The following TMIGD1 variants were observed in gnomAD, a reference collection of about 807,000 sequenced individuals.
TMIGD1 encodes the protein transmembrane and immunoglobulin domain containing 1.
TMIGD1 carries 29 observed loss-of-function variants against 27.5 expected under a neutral mutation model. The ratio of observed to expected loss-of-function variants is 1.05; its 90% CI spans 0.78 to 1.44. The LOEUF is 1.44. Among genes scored for constraint, TMIGD1 ranks in the 40% most tolerant of loss-of-function variants. TMIGD1 has a pLI of 0.00. For synonymous variants in TMIGD1, 109 were observed against 110.3 expected (o/e 0.99, Z 0.07); for missense variants, 334 against 310.6 (o/e 1.08, Z -0.57).
At chr17:30,330,304 A>T (rs1336755662) in intron 2 of TMIGD1, among the ~76,000 whole-genome samples, 1 of 152,050 alleles carries the variant, frequency 6.6e-6, no homozygotes, top group Non-Finnish European at 1.5e-5. Flanking sequence ...GACAGGAAAA[A>T]ACCCATATAT....
At position 30,324,873 on chromosome 17, in the gene TMIGD1, AACTGTAGGTTCCGTTG is replaced by A; in HGVS notation, c.567_582del (p.Asn190ValfsTer7). ...GTTTTCAGAGATGACTTTGCAATAC[AACTGTAGGTTCCGTTG>A]TCAGGCTTCTCGACTTTGGTGATTG... On this transcript the variant is annotated frameshift_variant, in exon 4 of 7. Coordinates refer to ENST00000328886, the MANE Select transcript of TMIGD1 (RefSeq NM_206832.3). LOFTEE classifies it high-confidence loss of function. 6.2e-7 allele frequency: 1 copy of A among 1,614,232 alleles called. No individual in the cohort carries two copies. The highest frequency in any genetic ancestry group is 1.1e-5 in the South Asian group (1 of 91,086).
chr17:30,330,487 T>TACC (rs1304294761), intron 2 of TMIGD1, among the ~76,000 whole-genome samples: 1 of 152,224 alleles, frequency 6.6e-6, no homozygotes, highest in Non-Finnish European at 1.5e-5. Flanking sequence ...TAATAATTAC[T>TACC]ACAAATGTAT....
At chr17:30,328,739 C>A (rs1397854012) in intron 3 of TMIGD1, among the ~76,000 whole-genome samples, 1 of 151,836 alleles carries the variant, frequency 6.6e-6, no homozygotes, top group Non-Finnish European at 1.5e-5. Flanking sequence ...GCGGTTCACT[C>A]GAGGTTAGGA....
intron 4 of TMIGD1, among the ~76,000 whole-genome samples, chr17:30,319,261 A>AAAAAAAAAAAAAAATATATATATATAT: frequency 3.3e-4 from 23 of 68,998 alleles, no homozygotes; most frequent in African/African-American, 1.1e-3. Flanking sequence ...AAAAAAAAAA[A>AAAAAAAAAAAAAAATATATATATATAT]ATATATATAT....
intron 4 of TMIGD1, among the ~76,000 whole-genome samples, chr17:30,324,265 G>A (rs1036898616): frequency 6.6e-6 from 1 of 152,144 alleles, no homozygotes; most frequent in Non-Finnish European, 1.5e-5. Context: ...ACCCCACAGA[G>A]CATCATTTGT....
chr17:30,326,601 G>A (rs1909783451), intron 3 of TMIGD1, among the ~76,000 whole-genome samples: 2 of 152,088 alleles, frequency 1.3e-5, no homozygotes, highest in African/African-American at 4.8e-5. Context: ...GAATGCTATA[G>A]TATAATGTAT....
rs199651676 is a variant in TMIGD1 at position 30,316,870 on chromosome 17, C to T, written c.786-180G>A. ...AGGCAGTATGGGGATGAATGTGGTT[C>T]CTGGCCTTGTTGTAAAGCAGTATGG... On this transcript the variant is annotated intron_variant, in intron 6 of 6. Transcript: ENST00000328886. 6.9e-4 allele frequency: 463 copies of T among 667,888 alleles called. 2 individuals carry two copies. The highest frequency in any genetic ancestry group is 4.9e-4 in the Middle Eastern group (2 of 4,098). 41.4% of individuals were successfully genotyped at this position (667,888 alleles called of 1,614,324 possible).
chr17:30,324,174 T>C (rs893827755), intron 4 of TMIGD1, among the ~76,000 whole-genome samples: 1 of 152,162 alleles, frequency 6.6e-6, no homozygotes, highest in African/African-American at 2.4e-5. Context: ...AGACCATGTG[T>C]GAATGAGCAT....
At position 30,316,417 on chromosome 17, in the gene TMIGD1, T is replaced by C. The variant is rs1434513618; in HGVS notation, c.*270A>G. 2 of 372,372 alleles carry C rather than the reference T, an allele frequency of 5.4e-6. No homozygotes were observed. Among genetic ancestry groups the C allele is most frequent in the Non-Finnish European group, 9.5e-6 (2 of 209,998 alleles). 23.1% of individuals were successfully genotyped at this position (372,372 alleles called of 1,614,324 possible). A position where few individuals can be genotyped will look rare whatever the true frequency, so the allele number is the denominator to read the frequency against. The stretch of plus-strand genomic sequence containing the variant: ...AAAAAACACACTAAACAGTAAATGA[T>C]TACCAACCTATTTGGAACAAATCTC... On this transcript the variant is annotated 3_prime_UTR_variant, in exon 7 of 7. Transcript: ENST00000328886.
intron 4 of TMIGD1, among the ~76,000 whole-genome samples, chr17:30,319,548 G>C (rs1909550856): frequency 6.6e-6 from 1 of 150,938 alleles, no homozygotes; most frequent in East Asian, 1.9e-4. Flanking sequence ...AAAACAAGTA[G>C]ACCATTTTGT....
At chr17:30,317,327 T>G (rs2143126088) in intron 5 of TMIGD1, 94 bp from the exon 6 acceptor site, 1 of 1,344,630 alleles carries the variant, frequency 7.4e-7, no homozygotes, top group Admixed American at 1.7e-5. Context: ...CAGGTGTGTG[T>G]CCTGTGCACA....
intron 3 of TMIGD1, among the ~76,000 whole-genome samples, chr17:30,325,981 G>C (rs1041585949): frequency 1.3e-5 from 2 of 152,134 alleles, no homozygotes; most frequent in African/African-American, 4.8e-5. Flanking sequence ...TGAAATGGTT[G>C]GAGAGTGGGA....
At position 30,316,532 on chromosome 17, in the gene TMIGD1, G is replaced by A. The variant is rs1909419563; in HGVS notation, c.*155C>T. The A allele has an allele frequency of 3.0e-6, 2 of 677,152 alleles. No individual in the cohort carries two copies. Among genetic ancestry groups the A allele is most frequent in the South Asian group, 4.2e-5 (2 of 47,258 alleles). 41.9% of individuals were successfully genotyped at this position (677,152 alleles called of 1,614,324 possible). A position where few individuals can be genotyped will look rare whatever the true frequency, so the allele number is the denominator to read the frequency against. On this transcript the variant is annotated 3_prime_UTR_variant, in exon 7 of 7. Transcript: ENST00000328886. ...CTTTCCATAAAAATGTTCCACAAGT[G>A]TATCAAATTAGTCCTAACAACTACT...
At position 30,318,791 on chromosome 17, in the gene TMIGD1, G is replaced by T. The variant is rs372883354; in HGVS notation, c.744+19C>A. 1.3e-5 allele frequency: 20 copies of T among 1,556,738 alleles called. No homozygotes were observed. Among genetic ancestry groups the T allele is most frequent in the Non-Finnish European group, 1.7e-5 (19 of 1,128,998 alleles). On this transcript the variant is annotated intron_variant, in intron 5 of 6. Coordinates refer to ENST00000328886, the MANE Select transcript of TMIGD1 (RefSeq NM_206832.3). ...CAGATGATGGCTTTTTACTTAAATA[G>T]CTCAGAATACTTAGATACCTTCATT...
chr17:30,329,121 G>A, intron 3 of TMIGD1, 130 bp downstream of exon 3: 1 of 1,034,454 alleles, frequency 9.7e-7, no homozygotes, highest in Admixed American at 2.4e-5. Context: ...AGGGGAAATA[G>A]GTACTCTCAT....
chr17:30,330,164 T>A (rs1297335928), intron 2 of TMIGD1, among the ~76,000 whole-genome samples: 2 of 151,122 alleles, frequency 1.3e-5, no homozygotes, highest in African/African-American at 4.9e-5. Flanking sequence ...CATTGTGTTG[T>A]TTAAAGGCAC....
intron 4 of TMIGD1, among the ~76,000 whole-genome samples, chr17:30,322,112 A>T (rs1453882012): frequency 6.6e-6 from 1 of 152,172 alleles, no homozygotes; most frequent in Non-Finnish European, 1.5e-5. Context: ...ACAAGCATGA[A>T]CCATCCCACC....
At chr17:30,321,653 G>C (rs1249850086) in intron 4 of TMIGD1, among the ~76,000 whole-genome samples, 1 of 152,160 alleles carries the variant, frequency 6.6e-6, no homozygotes, top group Non-Finnish European at 1.5e-5. Context: ...TACAGATTAA[G>C]TATTAGAAAG....
intron 4 of TMIGD1, among the ~76,000 whole-genome samples, chr17:30,321,159 A>AC (rs900398959): frequency 3.6e-5 from 5 of 138,532 alleles, no homozygotes; most frequent in African/African-American, 1.1e-4. Context: ...TGCCTGGCCA[A>AC]CCCCTTTTTT....
Sources: gnomAD v4.1 joint callset for allele counts (sites outside exome capture counted in the v4.1 genomes callset) on GRCh38, gnomAD v4.1.1 for gene constraint, MANE v1.5 for transcripts, NCBI Gene and HGNC (gene_info 2026-07-23, HGNC 2026-07-21) for gene names.